Variants in EPHA7 observed in about 807,000 individuals in gnomAD.
EPHA7 encodes ephrin type-A receptor 7.
Under a neutral mutation model 112.6 loss-of-function variants are expected in EPHA7, and 25 were observed. That is an observed-to-expected ratio of 0.22 (90% CI 0.16 to 0.31). The LOEUF is 0.31. EPHA7 is among the 10% of genes least tolerant of loss of function. The probability of loss-of-function intolerance (pLI) is 1.00; values close to 1 mark genes in which losing one functional copy is unlikely to be tolerated. For missense variants in EPHA7, 962 were observed against 1,212.6 expected, an observed-to-expected ratio of 0.79 and a Z score of 3.07; for synonymous variants, 437 against 406.5, an observed-to-expected ratio of 1.07 and a Z score of -0.90.
At chr6:93,377,489 GA>G (rs1435382507) in intron 3 of EPHA7, among the ~76,000 whole-genome samples, 1 of 150,804 alleles carries the variant, frequency 6.6e-6, no homozygotes, top group Non-Finnish European at 1.5e-5. Flanking sequence ...TTCCCTAGAT[GA>G]TTTGCTTGGA....
At chr6:93,354,351 T>G (rs1233422271) in intron 5 of EPHA7, among the ~76,000 whole-genome samples, 3 of 151,956 alleles carry the variant, frequency 2.0e-5, no homozygotes, top group Admixed American at 2.0e-4. Flanking sequence ...AATTCATGAG[T>G]TTTAGCATTT....
intron 5 of EPHA7, among the ~76,000 whole-genome samples, chr6:93,284,350 G>A (rs1364988055): frequency 6.6e-6 from 1 of 150,994 alleles, no homozygotes; most frequent in Non-Finnish European, 1.5e-5. Context: ...TCATTCTGGT[G>A]TTCCTCAGAG....
intron 5 of EPHA7, among the ~76,000 whole-genome samples, chr6:93,353,339 A>G (rs555872652): frequency 2.0e-5 from 3 of 152,246 alleles, no homozygotes; most frequent in African/African-American, 4.8e-5. Context: ...GTAAATATTA[A>G]AAGTATATAA....
Position 93,410,921 on chromosome 6 carries a change from T to C in EPHA7, c.412A>G (p.Ile138Val), listed in dbSNP as rs2278107. 62,716 of 1,613,988 alleles carry C rather than the reference T, an allele frequency of 0.039. 1,801 individuals carry two copies. Among genetic ancestry groups the C allele is most frequent in the East Asian group, 0.15 (6,935 of 44,868 alleles). The change falls in exon 3 of 17, where the codon ATA (isoleucine) becomes GTA (valine). Residue 138 changes from isoleucine to valine, a missense_variant. By Grantham distance (29) the Ile-to-Val change is conservative (BLOSUM62 3). Transcript: ENST00000369303. The surrounding 1 kb of genome is among the most constrained non-coding windows in gnomAD (Gnocchi z 4.0). ...ATTTTTACATAGAGGTTTTCTCTTA[T>C]ATTCCTGCCAGTGTCATAGTCTGTT... is the stretch of plus-strand genomic sequence containing the variant. ...YETDYDTGRN[I>V]RENLYVKIDT...
intron 5 of EPHA7, among the ~76,000 whole-genome samples, chr6:93,323,625 A>G (rs1424442381): frequency 1.3e-5 from 2 of 151,480 alleles, no homozygotes; most frequent in Non-Finnish European, 3.0e-5. Context: ...CTCAGATTTT[A>G]TTTTTAAAAT....
chr6:93,265,106 T>C (rs1006449676), intron 7 of EPHA7, among the ~76,000 whole-genome samples: 29 of 151,648 alleles, frequency 1.9e-4, no homozygotes, highest in Admixed American at 5.3e-4. Context: ...CCAAAATACA[T>C]ACCTCATGTA....
At chr6:93,337,588 T>C (rs977575551) in intron 5 of EPHA7, among the ~76,000 whole-genome samples, 2 of 152,088 alleles carry the variant, frequency 1.3e-5, no homozygotes, top group Admixed American at 1.3e-4. Flanking sequence ...TTGAAACATA[T>C]TCAGTAGATA....
At chr6:93,402,334 T>C (rs187102288) in intron 3 of EPHA7, among the ~76,000 whole-genome samples, 8 of 152,132 alleles carry the variant, frequency 5.3e-5, no homozygotes, top group Admixed American at 2.0e-4. Context: ...AATTGGAAAT[T>C]GTGACATGAT....
chr6:93,397,682 T>C (rs1778248081), intron 3 of EPHA7, among the ~76,000 whole-genome samples: 1 of 151,978 alleles, frequency 6.6e-6, no homozygotes, highest in African/African-American at 2.4e-5. Context: ...GATACTCAGT[T>C]ATCTATTAAC....
At chr6:93,397,834 A>G (rs1291240119) in intron 3 of EPHA7, among the ~76,000 whole-genome samples, 1 of 152,038 alleles carries the variant, frequency 6.6e-6, no homozygotes, top group Admixed American at 6.6e-5. Context: ...TTTTTAAAAA[A>G]GGAAGAAAAA....
chr6:93,390,173 G>C (rs1777831786), intron 3 of EPHA7, among the ~76,000 whole-genome samples: 1 of 147,340 alleles, frequency 6.8e-6, no homozygotes, highest in Non-Finnish European at 1.5e-5. Flanking sequence ...AAAGAAATAA[G>C]AAAATCTACA....
intron 5 of EPHA7, among the ~76,000 whole-genome samples, chr6:93,336,601 C>T (rs1774887006): frequency 6.6e-6 from 1 of 152,028 alleles, no homozygotes; most frequent in Non-Finnish European, 1.5e-5. Flanking sequence ...CGGGGTTTCA[C>T]TGTGTTAGCC....
chr6:93,356,922 A>G lies in EPHA7; in HGVS notation c.1119T>C (p.Ser373=). 3 of 1,614,088 alleles carry G rather than the reference A, an allele frequency of 1.9e-6. No individual in the cohort carries two copies. Among genetic ancestry groups the G allele is most frequent in the Non-Finnish European group, 2.5e-6 (3 of 1,180,008 alleles). The change falls in exon 5 of 17, where the codon AGT becomes AGC. Residue 373 remains serine (S), a synonymous_variant. Transcript: ENST00000369303. ...VTYRILCKRC[S]WEQGECVPCG... ...AGGGAACACATTCGCCCTGCTCCCA[A>G]CTGCACCGCTTACACAATATTCTGT...
At chr6:93,290,864 G>A (rs1562072706) in intron 5 of EPHA7, among the ~76,000 whole-genome samples, 1 of 152,050 alleles carries the variant, frequency 6.6e-6, no homozygotes, top group African/African-American at 2.4e-5. Context: ...ACTCTTTAAA[G>A]GGAATTCTAT....
rs1776240298 is a variant in EPHA7 at position 93,361,122 on chromosome 6, C to A, written c.833-2711G>T. On this transcript the variant is annotated intron_variant, in intron 3 of 16. Coordinates refer to ENST00000369303, the MANE Select transcript of EPHA7 (RefSeq NM_004440.4). ...TGAATTTTGACACTGATGATACCTG[C>A]ACAATTATGGAATATATGTATGACT... Among the ~76,000 whole-genome samples, 3 of 152,040 alleles carry A rather than the reference C, an allele frequency of 2.0e-5. No homozygotes were observed. The South Asian group carries it at 6.2e-4, about 32-fold the overall frequency.
At chr6:93,360,922 C>T (rs528275672) in intron 3 of EPHA7, among the ~76,000 whole-genome samples, 2 of 152,138 alleles carry the variant, frequency 1.3e-5, no homozygotes, top group East Asian at 1.9e-4. Context: ...TTGACACTTA[C>T]GTAATGGGAC....
At chr6:93,333,179 T>C (rs944245225) in intron 5 of EPHA7, among the ~76,000 whole-genome samples, 3 of 151,812 alleles carry the variant, frequency 2.0e-5, no homozygotes, top group Middle Eastern at 3.2e-3. Flanking sequence ...GATTATGGCC[T>C]CCAGCTCCAT....
At chr6:93,359,876 GAT>G (rs770716925) in intron 3 of EPHA7, among the ~76,000 whole-genome samples, 7,121 of 107,888 alleles carry the variant, frequency 0.066, 293 homozygotes, top group African/African-American at 0.17. Context: ...GAGAGAGAGA[GAT>G]AGATAGATAG....
intron 1 of EPHA7, among the ~76,000 whole-genome samples, chr6:93,416,983 C>T (rs1779266456): frequency 1.3e-5 from 2 of 152,156 alleles, no homozygotes; most frequent in Non-Finnish European, 2.9e-5. Context: ...CGGTGGCGCC[C>T]TCGCTCGAGA....
Sources: gnomAD v4.1 joint callset for allele counts (sites outside exome capture counted in the v4.1 genomes callset) on GRCh38, gnomAD v4.1.1 for gene constraint, Gnocchi (gnomAD v3.1) non-coding constraint, MANE v1.5 for transcripts, NCBI Gene and HGNC (gene_info 2026-07-23, HGNC 2026-07-21) for gene names.